OTOG: variants seen among roughly 807,000 people sequenced by gnomAD.
The protein encoded by OTOG is otogelin.
OTOG carries 296 observed loss-of-function variants against 313.8 expected under a neutral mutation model. The ratio of observed to expected loss-of-function variants is 0.94; its 90% CI spans 0.86 to 1.04. OTOG has a LOEUF of 1.04. Ranked by LOEUF, OTOG falls within the 50% of genes least tolerant of loss-of-function variation. The probability of loss-of-function intolerance (pLI) is 0.00; values close to 1 mark genes in which losing one functional copy is unlikely to be tolerated. For synonymous variants in OTOG, 1,533 were observed against 1,554.9 expected (o/e 0.99, Z 0.33); for missense variants, 3,948 against 3,840.1 (o/e 1.03, Z -0.74).
In OTOG at chr11:17,633,796, G is replaced by C; in HGVS notation, c.7189G>C (p.Gly2397Arg). ...PLDPEHCQVL[G>R]EGCVCSEGTI... ...GGACCCAGAGCACTGCCAGGTGCTG[G>C]GCGAGGGCTGCGTCTGCTCCGAGGG... Residue 2397 changes from glycine (G) to arginine (R), a missense_variant, in exon 43 of 56, where the codon GGC (glycine) becomes CGC (arginine). Gly to Arg is a moderately radical substitution (Grantham distance 125). Transcript: ENST00000399397. 6.4e-7 allele frequency: 1 copy of C among 1,550,418 alleles called. No individual in the cohort carries two copies. Among genetic ancestry groups the C allele is most frequent in the Non-Finnish European group, 8.7e-7 (1 of 1,146,958 alleles).
At chr11:17,600,430 C>A (rs1290072980) in intron 31 of OTOG, among the ~76,000 whole-genome samples, 1 of 152,354 alleles carries the variant, frequency 6.6e-6, no homozygotes, top group Non-Finnish European at 1.5e-5. Context: ...CCCCGACCCT[C>A]CTCCAGGGAC....
intron 53 of OTOG, among the ~76,000 whole-genome samples, chr11:17,642,900 G>A (rs1848004321): frequency 6.6e-6 from 1 of 152,172 alleles, no homozygotes. Flanking sequence ...AGATGCTCAT[G>A]TATGTGCTCA....
chr11:17,645,441 A>G, intron 54 of OTOG, 123 bp from the exon 55 acceptor site: 1 of 866,806 alleles, frequency 1.2e-6, no homozygotes, highest in Non-Finnish European at 1.8e-6. Context: ...GCACTAATGC[A>G]TGGGTGCTAA....
chr11:17,556,085 T>A (rs1005078954), intron 7 of OTOG, among the ~76,000 whole-genome samples, 188 bp downstream of exon 7: 3 of 151,716 alleles, frequency 2.0e-5, no homozygotes, highest in Admixed American at 1.3e-4. Context: ...GCAGAATGAT[T>A]TTTTTTTTCC....
intron 21 of OTOG, 103 bp downstream of exon 21, chr11:17,576,733 C>T: frequency 2.8e-6 from 4 of 1,453,060 alleles, no homozygotes; most frequent in Non-Finnish European, 3.8e-6. Flanking sequence ...ACACCCAGCC[C>T]TGCTCTGTGC....
chr11:17,639,584 G>T, intron 49 of OTOG, 121 bp downstream of exon 49: 1 of 1,053,756 alleles, frequency 9.5e-7, no homozygotes. Flanking sequence ...TTGCAAGTCA[G>T]CATTCTTTTC....
chr11:17,643,640 G>T, intron 54 of OTOG, 134 bp downstream of exon 54: 3 of 559,734 alleles, frequency 5.4e-6, no homozygotes, highest in Non-Finnish European at 8.4e-6. Flanking sequence ...TAGATGAAGG[G>T]ATAACACCCA....
chr11:17,640,721 G>T, intron 49 of OTOG, 24 bp from the exon 50 acceptor site: 1 of 1,548,172 alleles, frequency 6.5e-7, no homozygotes, highest in African/African-American at 1.4e-5. Context: ...AACCCAGGGT[G>T]CTGACTGCCT....
chr11:17,599,189 C>T (rs1853184121), intron 30 of OTOG, among the ~76,000 whole-genome samples: 1 of 152,154 alleles, frequency 6.6e-6, no homozygotes, highest in African/African-American at 2.4e-5. Flanking sequence ...CTGGTGGAAG[C>T]GCCTCTGCAG....
At chr11:17,565,851 G>A (rs955877533) in intron 15 of OTOG, among the ~76,000 whole-genome samples, 12 of 152,078 alleles carry the variant, frequency 7.9e-5, no homozygotes, top group African/African-American at 2.9e-4. Flanking sequence ...GTGTGTGTGT[G>A]CTTTCATGTC....
rs540477095 is a variant in OTOG, at chr11:17,611,313, G to A, written c.6013G>A (p.Glu2005Lys). The change falls in exon 36 of 56, where the codon GAG becomes AAG. Residue 2005 changes from glutamate to lysine, a missense_variant. By Grantham distance (56) the Glu-to-Lys change is moderately conservative. Transcript: ENST00000399397. ...GPHLAAEPVD[E>K]ATTEPSGRSA... is the part of the protein sequence containing the mutation. ...TCACCTGGCAGCAGAGCCGGTGGACGAGGCCACCACAGAACCATCTGGGCG... is the reference window on the plus strand; with the variant it reads ...TCACCTGGCAGCAGAGCCGGTGGACAAGGCCACCACAGAACCATCTGGGCG... The A allele has an allele frequency of 7.2e-5, 112 of 1,550,562 alleles. No individual in the cohort carries two copies. In the South Asian group the frequency reaches 9.9e-4, roughly 14 times the overall value.
chr11:17,634,002 A>G, intron 43 of OTOG, 67 bp from the exon 44 acceptor site: 3 of 1,498,148 alleles, frequency 2.0e-6, no homozygotes, highest in Non-Finnish European at 2.7e-6. Flanking sequence ...AACCAGGGAG[A>G]GTCTAGCCTG....
chr11:17,589,031 T>C (rs180741650), intron 24 of OTOG, among the ~76,000 whole-genome samples: 1 of 152,236 alleles, frequency 6.6e-6, no homozygotes, highest in Admixed American at 6.5e-5. Context: ...ATCACTTCCT[T>C]GAGTTTAGCC....
At chr11:17,548,586 C>T (rs887779712) in intron 3 of OTOG, among the ~76,000 whole-genome samples, 1 of 151,968 alleles carries the variant, frequency 6.6e-6, no homozygotes, top group Admixed American at 6.5e-5. Context: ...AGGCCCTCAA[C>T]CCTGTCAGAG....
chr11:17,645,471 C>G, intron 54 of OTOG, 93 bp from the exon 55 acceptor site: 1 of 1,189,164 alleles, frequency 8.4e-7, no homozygotes, highest in Non-Finnish European at 1.2e-6. Context: ...AGAGACCCTC[C>G]AGCATGACAC....
Position 17,548,497 on chromosome 11 carries a change from G to T in OTOG, c.216+285G>T, listed in dbSNP as rs1457888450. On this transcript the variant is annotated intron_variant, in intron 3 of 55. Coordinates refer to ENST00000399397, the MANE Select transcript of OTOG (RefSeq NM_001292063.2). The stretch of plus-strand genomic sequence containing the variant: ...CAGGGCTCTTTCAGGAGAGAGCTGA[G>T]CTCTCCCTTCTGGCAGGTAAAAGTA... Among the ~76,000 whole-genome samples the T allele has an allele frequency of 2.3e-5, 3 of 132,904 alleles. No individual in the cohort carries two copies. The Admixed American group carries it at 2.7e-4, about 12-fold the overall frequency. 87.2% of individuals were successfully genotyped at this position (132,904 alleles called of 152,430 possible).
chr11:17,642,346 G>A (rs1431066134), intron 53 of OTOG, 100 bp downstream of exon 53: 4 of 1,397,708 alleles, frequency 2.9e-6, no homozygotes, highest in Non-Finnish European at 1.9e-6. Context: ...AGGAAGAAGG[G>A]CTCCCTGGAG....
chr11:17,605,963 C>T lies in OTOG; in HGVS notation c.3984C>T (p.Phe1328=), dbSNP rs1853375289. The T allele has an allele frequency of 6.4e-7, 1 of 1,550,624 alleles. No individual in the cohort carries two copies. Among genetic ancestry groups the T allele is most frequent in the Non-Finnish European group, 8.7e-7 (1 of 1,147,000 alleles). Residue 1328 remains phenylalanine (F), a synonymous_variant, in exon 33 of 56, where the codon TTC becomes TTT. Coordinates refer to ENST00000399397, the MANE Select transcript of OTOG (RefSeq NM_001292063.2). The stretch of plus-strand genomic sequence containing the variant: ...CTAAGTGGCAGGGCCGTGACACCTT[C>T]CAACAGCATGCCTCCTTCTTGCTGC... ...ELAKWQGRDT[F]QQHASFLLHR...
chr11:17,620,880 T>C (rs1012298194), intron 39 of OTOG, among the ~76,000 whole-genome samples: 3 of 152,248 alleles, frequency 2.0e-5, no homozygotes, highest in African/African-American at 7.2e-5. Flanking sequence ...TTATAGTGTC[T>C]AAACATATTA....
Sources: allele counts gnomAD v4.1 joint callset (sites outside exome capture counted in the v4.1 genomes callset), GRCh38; gene constraint gnomAD v4.1.1; transcripts MANE v1.5; gene names NCBI Gene and HGNC (gene_info 2026-07-23, HGNC 2026-07-21).